The following CHD7 variants were observed in gnomAD, a reference collection of about 807,000 sequenced individuals.
The protein encoded by CHD7 is chromodomain helicase DNA binding protein 7.
Under a neutral mutation model 307.3 loss-of-function variants are expected in CHD7, and 24 were observed. The ratio of observed to expected loss-of-function variants is 0.08; its 90% CI spans 0.06 to 0.11. The LOEUF (loss-of-function observed/expected upper bound fraction) is 0.11, where lower values mean the gene tolerates loss of function less well. Ranked by LOEUF, CHD7 falls within the 10% of genes least tolerant of loss-of-function variation. The pLI is 1.00. For synonymous variants in CHD7, 1,363 were observed against 1,349.9 expected (o/e 1.01, Z -0.21); for missense variants, 3,106 against 3,727.1 (o/e 0.83, Z 4.34).
In CHD7 at chr8:60,838,182, T is replaced by A; in HGVS notation, c.4460T>A (p.Ile1487Asn). The stretch of plus-strand genomic sequence containing the variant: ...GGGTCTAAATTCTGTGAAGAAGATA[T>A]TGATCAGATCCTCCTACGTCGAACC... Reference protein sequence around the residue: ...DEGSKFCEEDIDQILLRRTHT... With the variant: ...DEGSKFCEEDNDQILLRRTHT... The change falls in exon 19 of 38, where the codon ATT becomes AAT. Residue 1487 changes from isoleucine (I) to asparagine (N), a missense_variant. Coordinates refer to ENST00000423902, the MANE Select transcript of CHD7 (RefSeq NM_017780.4). The A allele has an allele frequency of 6.3e-7, 1 of 1,595,856 alleles. No individual in the cohort carries two copies. The highest frequency in any genetic ancestry group is 8.5e-7 in the Non-Finnish European group (1 of 1,170,806).
At chr8:60,854,671 T>C (rs762088097) in intron 32 of CHD7, 148 bp downstream of exon 32, 1 of 640,128 alleles carries the variant, frequency 1.6e-6, no homozygotes, top group Non-Finnish European at 2.4e-6. Context: ...TTTTAAAGAA[T>C]GATCTGAAAA....
intron 33 of CHD7, 26 bp downstream of exon 33, chr8:60,856,228 A>G: frequency 3.3e-6 from 5 of 1,517,254 alleles, no homozygotes; most frequent in Non-Finnish European, 4.5e-6. Flanking sequence ...TTGTTTCTGC[A>G]GCTTAAAAGG....
chr8:60,731,046 A>T (rs1335243547), intron 1 of CHD7, among the ~76,000 whole-genome samples: 2 of 152,194 alleles, frequency 1.3e-5, no homozygotes, highest in African/African-American at 4.8e-5. Flanking sequence ...GTCACTTTGT[A>T]GCCATCTTGT....
At chr8:60,727,565 C>T (rs1304262043) in intron 1 of CHD7, among the ~76,000 whole-genome samples, 1 of 152,124 alleles carries the variant, frequency 6.6e-6, no homozygotes, top group Non-Finnish European at 1.5e-5. Context: ...TTGGTCACTT[C>T]CTTCTTCTCT....
At position 60,679,056 on chromosome 8, in the gene CHD7, A is replaced by T. The variant is rs1344212340; in HGVS notation, c.-201A>T. On this transcript the variant is annotated 5_prime_UTR_variant, in exon 1 of 38. Coordinates refer to ENST00000423902, the MANE Select transcript of CHD7 (RefSeq NM_017780.4). ...TGCGTTTTGTTTTCCCCTCGGCACT[A>T]GGCAGCGGAGGAGCCCGACCGACCC... 1 of 150,140 alleles carries T rather than the reference A, an allele frequency of 6.7e-6. No individual in the cohort carries two copies. Among genetic ancestry groups the T allele is most frequent in the Admixed American group, 6.7e-5 (1 of 15,010 alleles). The allele number at this position is 150,140 out of a possible 1,614,324, so 9.3% of individuals were successfully genotyped here.
intron 2 of CHD7, among the ~76,000 whole-genome samples, chr8:60,751,102 G>A (rs551205732): frequency 2.0e-5 from 3 of 152,302 alleles, no homozygotes; most frequent in Admixed American, 6.5e-5. Flanking sequence ...AAAAAATAGC[G>A]TGTTTGTCTG....
intron 1 of CHD7, among the ~76,000 whole-genome samples, chr8:60,694,016 C>T (rs1473588755): frequency 6.6e-6 from 1 of 152,214 alleles, no homozygotes; most frequent in Admixed American, 6.5e-5. Context: ...TAAGCGTGAA[C>T]TTTTACATAA....
chr8:60,682,502 G>T (rs139241582), intron 1 of CHD7, among the ~76,000 whole-genome samples: 4 of 152,336 alleles, frequency 2.6e-5, no homozygotes, highest in Admixed American at 2.6e-4. Flanking sequence ...TGCCAAGTTA[G>T]TGTAGTTCTT....
chr8:60,792,302 G>A (rs2150691993), intron 3 of CHD7, among the ~76,000 whole-genome samples: 1 of 152,262 alleles, frequency 6.6e-6, no homozygotes, highest in South Asian at 2.1e-4. Context: ...ATCTCAATTA[G>A]CTTATTGCAG....
chr8:60,790,245 C>T (rs975348594), intron 3 of CHD7, among the ~76,000 whole-genome samples: 6 of 152,174 alleles, frequency 3.9e-5, no homozygotes, highest in Admixed American at 2.0e-4. Context: ...TGGTTGGCTC[C>T]GTGTCTCTTT....
intron 7 of CHD7, chr8:60,808,968 T>C (rs181940533): frequency 6.6e-6 from 1 of 152,248 alleles, no homozygotes; most frequent in Non-Finnish European, 1.5e-5. Context: ...TGTTCATTGA[T>C]AATGTAAACA....
intron 7 of CHD7, among the ~76,000 whole-genome samples, chr8:60,815,225 TATC>T (rs1348036296): frequency 2.0e-5 from 3 of 152,244 alleles, no homozygotes; most frequent in African/African-American, 7.2e-5. Context: ...TGCTACTTAA[TATC>T]ATAAGCATTT....
Position 60,848,613 on chromosome 8 carries a change from G to T in CHD7, c.5300+9G>T. 5 of 1,605,680 alleles carry T rather than the reference G, an allele frequency of 3.1e-6. No homozygotes were observed. Among genetic ancestry groups the T allele is most frequent in the Non-Finnish European group, 4.3e-6 (5 of 1,173,184 alleles). On this transcript the variant is annotated intron_variant, in intron 24 of 37. Transcript: ENST00000423902. ...GAGGGTGCTGACTCAAGGTTAGTGC[G>T]AGCTCACATTTGTTCTCAACCTCAG...
chr8:60,746,336 C>T (rs1044913751), intron 2 of CHD7, among the ~76,000 whole-genome samples: 8 of 152,346 alleles, frequency 5.3e-5, no homozygotes, highest in Admixed American at 6.5e-5. Flanking sequence ...CCCTTTTAGA[C>T]TGTGTTGCCA....
chr8:60,816,113 G>GTCTCTCTCTCTCTCTCTCTCTCTCTC (rs201056061), intron 7 of CHD7, among the ~76,000 whole-genome samples: 2 of 139,236 alleles, frequency 1.4e-5, no homozygotes, highest in Admixed American at 7.1e-5. Context: ...CTGTCTGTCT[G>GTCTCTCTCTCTCTCTCTCTCTCTCTC]TCTCTCTCTC....
At chr8:60,807,611 T>C (rs1812596790) in intron 6 of CHD7, among the ~76,000 whole-genome samples, 1 of 152,228 alleles carries the variant, frequency 6.6e-6, no homozygotes, top group Non-Finnish European at 1.5e-5. Context: ...GGCTGCTATG[T>C]GTGTGAGACA....
In CHD7 at chr8:60,853,164, G is replaced by A. The variant is rs551619917; in HGVS notation, c.6439G>A (p.Ala2147Thr). ...AGNTSSLNPL[A>T]VGFVQTPPVI... is the part of the protein sequence containing the mutation. ...TAATACATCTTCCTTGAACCCACTG[G>A]CAGTTGGATTTGTCCAGACTCCTCC... Residue 2147 changes from alanine to threonine, a missense_variant, in exon 31 of 38, where the codon GCA becomes ACA. Transcript: ENST00000423902. 22 of 1,613,832 alleles carry A rather than the reference G, an allele frequency of 1.4e-5. 1 individual carries two copies. The South Asian group carries it at 2.4e-4, about 18-fold the overall frequency.
In CHD7 at chr8:60,808,081, G is replaced by T. The variant is rs756935490; in HGVS notation, c.2443-136G>T. 4 of 664,808 alleles carry T rather than the reference G, an allele frequency of 6.0e-6. No homozygotes were observed. In the Admixed American group the frequency reaches 1.0e-4, roughly 17 times the overall value. 41.2% of individuals were successfully genotyped at this position (664,808 alleles called of 1,614,324 possible). On this transcript the variant is annotated intron_variant, in intron 6 of 37. Coordinates refer to ENST00000423902, the MANE Select transcript of CHD7 (RefSeq NM_017780.4). ...GGCCCTGGCCACCTCCCAGCACACG[G>T]TGTGCTCATCTTACGTGAAGGTCCT...
intron 1 of CHD7, among the ~76,000 whole-genome samples, chr8:60,723,157 C>T (rs988979090): frequency 3.3e-5 from 5 of 151,568 alleles, no homozygotes; most frequent in African/African-American, 1.2e-4. Flanking sequence ...ATCAGAAAGC[C>T]TTTAAGTATC....
Sources: gnomAD v4.1 joint callset for allele counts (sites outside exome capture counted in the v4.1 genomes callset) on GRCh38, gnomAD v4.1.1 for gene constraint, MANE v1.5 for transcripts, NCBI Gene and HGNC (gene_info 2026-07-23, HGNC 2026-07-21) for gene names.